The following CCDC171 variants were observed in gnomAD, a reference collection of about 807,000 sequenced individuals.
CCDC171 encodes coiled-coil domain-containing protein 171.
A neutral mutation model predicts 168.2 loss-of-function variants in CCDC171; 177 were observed. The observed-to-expected ratio is 1.05, with a 90% confidence interval of 0.93 to 1.19. CCDC171 has a LOEUF of 1.19. CCDC171 is among the 50% of genes most tolerant of loss of function. The pLI, the probability that CCDC171 is intolerant of heterozygous loss-of-function variation, is 0.00. For synonymous variants in CCDC171, 687 were observed against 540.8 expected, an observed-to-expected ratio of 1.27 and a Z score of -3.75; for missense variants, 1,991 against 1,539.0, an observed-to-expected ratio of 1.29 and a Z score of -4.91.
chr9:15,763,784 AT>A (rs1255143524), intron 18 of CCDC171, among the ~76,000 whole-genome samples: 2 of 152,190 alleles, frequency 1.3e-5, no homozygotes, highest in African/African-American at 4.8e-5. Flanking sequence ...TCATTCTATG[AT>A]TATACCAAAG....
At chr9:15,700,591 C>T (rs764630142) in intron 11 of CCDC171, among the ~76,000 whole-genome samples, 9 of 152,192 alleles carry the variant, frequency 5.9e-5, no homozygotes, top group Non-Finnish European at 1.0e-4. Flanking sequence ...ACTGCCAGCA[C>T]GCTGTCACCT....
At position 15,594,189 on chromosome 9, in the gene CCDC171, C is replaced by A; in HGVS notation, c.675+17C>A. On this transcript the variant is annotated intron_variant, in intron 6 of 25. Transcript: ENST00000380701. ...ATAGTACAGGTATTTTAAAAATAAT[C>A]AGTTCCTTAAATATATATTTTTAAT... 8.0e-7 allele frequency: 1 copy of A among 1,244,534 alleles called. No homozygotes were observed. Among genetic ancestry groups the A allele is most frequent in the South Asian group, 1.4e-5 (1 of 73,066 alleles). 77.1% of individuals were successfully genotyped at this position (1,244,534 alleles called of 1,614,324 possible).
downstream of CCDC171, among the ~76,000 whole-genome samples, chr9:15,974,374 C>T (rs16933838): frequency 0.015 from 2,288 of 152,178 alleles, 55 homozygotes; most frequent in African/African-American, 0.051. Flanking sequence ...TCTGTTGTGT[C>T]GGCAAGGACA....
rs775184378 is a variant in CCDC171, at chr9:15,594,185, T to A, written c.675+13T>A. On this transcript the variant is annotated intron_variant, in intron 6 of 25. Transcript: ENST00000380701. ...ATTTATAGTACAGGTATTTTAAAAA[T>A]AATCAGTTCCTTAAATATATATTTT... 3.1e-6 allele frequency: 4 copies of A among 1,274,728 alleles called. No individual in the cohort carries two copies. In the African/African-American group the frequency reaches 4.6e-5, roughly 15 times the overall value. The allele number at this position is 1,274,728 out of a possible 1,614,324, so 79.0% of individuals were successfully genotyped here. A position where few individuals can be genotyped will look rare whatever the true frequency, so the allele number is the denominator to read the frequency against.
intron 24 of CCDC171, among the ~76,000 whole-genome samples, chr9:15,918,355 G>T (rs939422135): frequency 5.3e-5 from 8 of 151,138 alleles, no homozygotes; most frequent in African/African-American, 1.9e-4. Context: ...ATTTTATAGA[G>T]GGAGGAGATG....
Position 15,563,975 on chromosome 9 carries a change from CA to C in CCDC171, c.-111-2del, listed in dbSNP as rs1188661849. ...GCTATTGTATCATTTACTATTTTAA[CA>C]GACCTCAAATCATCTAACGTGAAGC... On this transcript the variant is annotated splice_acceptor_variant, in intron 1 of 25. Coordinates refer to ENST00000380701, the MANE Select transcript of CCDC171 (RefSeq NM_173550.4). LOFTEE classifies it low-confidence loss of function (5UTR_SPLICE). The C allele has an allele frequency of 2.7e-6, 2 of 748,630 alleles. No homozygotes were observed. The highest frequency in any genetic ancestry group is 3.6e-5 in the African/African-American group (2 of 55,838). 46.4% of individuals were successfully genotyped at this position (748,630 alleles called of 1,614,324 possible). A position where few individuals can be genotyped will look rare whatever the true frequency, so the allele number is the denominator to read the frequency against.
intron 3 of CCDC171, among the ~76,000 whole-genome samples, chr9:16,003,467 G>T (rs1443777710): frequency 6.6e-6 from 1 of 152,190 alleles, no homozygotes; most frequent in Non-Finnish European, 1.5e-5. Flanking sequence ...GGATGGGAAA[G>T]TGTCAAGAAG....
At chr9:15,726,506 A>C (rs1243684021) in intron 14 of CCDC171, among the ~76,000 whole-genome samples, 1 of 152,220 alleles carries the variant, frequency 6.6e-6, no homozygotes, top group Non-Finnish European at 1.5e-5. Context: ...ACCTAGTTAA[A>C]TAATGCAAAA....
chr9:15,777,823 T>A lies in CCDC171; in HGVS notation c.2895T>A (p.Ile965=). The A allele has an allele frequency of 1.3e-6, 2 of 1,599,364 alleles. No homozygotes were observed. ...ATGGTTTGCGTGGCCATGTGCCCATTACGGTATGTATACACTTTCATTTAG... is the reference window on the plus strand; with the variant it reads ...ATGGTTTGCGTGGCCATGTGCCCATAACGGTATGTATACACTTTCATTTAG... ...LKYGLRGHVP[I]TKSTASLQKQ... Residue 965 remains isoleucine (I), a synonymous_variant, in exon 19 of 26, where the codon ATT becomes ATA. Coordinates refer to ENST00000380701, the MANE Select transcript of CCDC171 (RefSeq NM_173550.4).
At chr9:15,687,267 G>C (rs1175422258) in intron 10 of CCDC171, among the ~76,000 whole-genome samples, 6 of 152,140 alleles carry the variant, frequency 3.9e-5, no homozygotes, top group Non-Finnish European at 7.3e-5. Context: ...CTATGCTTAA[G>C]AGGGAAACTT....
chr9:15,797,652 T>G (rs2058626044), intron 21 of CCDC171, among the ~76,000 whole-genome samples: 1 of 152,156 alleles, frequency 6.6e-6, no homozygotes, highest in Non-Finnish European at 1.5e-5. Flanking sequence ...TTCATTTTCT[T>G]AACAGTATCT....
chr9:15,883,452 C>G (rs1329097514), intron 24 of CCDC171, among the ~76,000 whole-genome samples: 2 of 152,140 alleles, frequency 1.3e-5, no homozygotes, highest in Non-Finnish European at 2.9e-5. Context: ...CCTTCTGTCT[C>G]TCAACTCCTT....
chr9:15,772,601 A>T (rs1336437504), intron 18 of CCDC171, among the ~76,000 whole-genome samples: 1 of 152,230 alleles, frequency 6.6e-6, no homozygotes, highest in Non-Finnish European at 1.5e-5. Context: ...ATAAATAGTG[A>T]AAGATGTTCC....
intron 7 of CCDC171, among the ~76,000 whole-genome samples, chr9:15,634,769 A>T (rs1215619163): frequency 6.6e-6 from 1 of 152,208 alleles, no homozygotes; most frequent in Non-Finnish European, 1.5e-5. Flanking sequence ...TTCATCACAC[A>T]ATAAGAAACC....
At chr9:15,610,467 A>AC (rs1438436353) in intron 6 of CCDC171, among the ~76,000 whole-genome samples, 1 of 140,764 alleles carries the variant, frequency 7.1e-6, no homozygotes, top group African/African-American at 2.6e-5. Context: ...AAAAAAAAAA[A>AC]AAAAAAAAAA....
At chr9:15,903,820 G>A (rs1021809076) in intron 24 of CCDC171, among the ~76,000 whole-genome samples, 1 of 152,174 alleles carries the variant, frequency 6.6e-6, no homozygotes, top group African/African-American at 2.4e-5. Context: ...CCAATGCAGA[G>A]GAGTCCTTAA....
At chr9:15,888,109 G>A (rs1157899603) in intron 24 of CCDC171, 1 of 152,152 alleles carries the variant, frequency 6.6e-6, no homozygotes, top group East Asian at 1.9e-4. Flanking sequence ...TTACCTCTAT[G>A]GAGATATTTG....
At chr9:16,101,238 A>G in the CCDC171 span, among the ~76,000 whole-genome samples, 1 of 152,244 alleles carries the variant, frequency 6.6e-6, no homozygotes, top group Admixed American at 6.5e-5. Flanking sequence ...GCCAGGTAAC[A>G]TACAGGGCAC....
At chr9:15,691,003 G>T (rs1451009387) in intron 10 of CCDC171, among the ~76,000 whole-genome samples, 1 of 152,158 alleles carries the variant, frequency 6.6e-6, no homozygotes, top group African/African-American at 2.4e-5. Context: ...GTGTACATTG[G>T]TATAACTGAT....
Sources: allele counts gnomAD v4.1 joint callset (sites outside exome capture counted in the v4.1 genomes callset), GRCh38; gene constraint gnomAD v4.1.1; transcripts MANE v1.5; gene names NCBI Gene and HGNC (gene_info 2026-07-23, HGNC 2026-07-21).